The following ZNF790 variants were observed in gnomAD, a reference collection of about 807,000 sequenced individuals.
ZNF790 encodes zinc finger protein 790.
In ZNF790, 8 loss-of-function variants were observed where a neutral mutation model predicts 12.1. The ratio of observed to expected loss-of-function variants is 0.66; its 90% CI spans 0.39 to 1.19. The LOEUF is 1.19. ZNF790 is among the 50% of genes most tolerant of loss of function. ZNF790 has a pLI of 0.01. For missense variants in ZNF790, 707 were observed against 752.2 expected (o/e 0.94, Z 0.70); for synonymous variants, 252 against 244.3 (o/e 1.03, Z -0.29).
rs770460576 is a variant in ZNF790 at position 36,819,911 on chromosome 19, A to T, written c.433T>A (p.Cys145Ser). 12 of 1,614,048 alleles carry T rather than the reference A, an allele frequency of 7.4e-6. No homozygotes were observed. The East Asian group carries it at 2.2e-4, about 30-fold the overall frequency. Residue 145 changes from cysteine to serine, a missense_variant, in exon 5 of 5, where the codon TGT becomes AGT. By Grantham distance (112) the Cys-to-Ser change is moderately radical. Coordinates refer to ENST00000356725, the MANE Select transcript of ZNF790 (RefSeq NM_206894.4). ...EECFKQVIRT[C>S]EKRPTFNQHT... is the part of the protein sequence containing the mutation. ...TGGTTAAAAGTGGGCCTTTTTTCAC[A>T]GGTGCGTATCACCTGCTTGAAGCAT...
intron 1 of ZNF790, among the ~76,000 whole-genome samples, chr19:36,848,471 C>T (rs945996080): frequency 2.7e-5 from 4 of 150,808 alleles, no homozygotes; most frequent in African/African-American, 9.7e-5. Context: ...GGTAAACATA[C>T]AAAAATGTGA....
rs756757587 is a variant in ZNF790 at position 36,819,987 on chromosome 19, A to G, written c.357T>C (p.Gly119=). 6.2e-7 allele frequency: 1 copy of G among 1,613,988 alleles called. No homozygotes were observed. The highest frequency in any genetic ancestry group is 2.2e-5 in the East Asian group (1 of 44,866). ...NHSLDCLCFR[G]DWEGNTQFQT... ...GAAACTGAGTGTTGCCTTCCCAGTC[A>G]CCTCTAAAACATAAACAGTCAAGGC... is the stretch of plus-strand genomic sequence containing the variant. Residue 119 remains glycine (G), a synonymous_variant, in exon 5 of 5, where the codon GGT becomes GGC. Coordinates refer to ENST00000356725, the MANE Select transcript of ZNF790 (RefSeq NM_206894.4).
In ZNF790 at chr19:36,818,180, C is replaced by A; in HGVS notation, c.*253G>T. 3.7e-6 allele frequency: 1 copy of A among 271,958 alleles called. No homozygotes were observed. The highest frequency in any genetic ancestry group is 6.9e-6 in the Non-Finnish European group (1 of 144,482). The allele number at this position is 271,958 out of a possible 1,614,324, so 16.8% of individuals were successfully genotyped here. ...TGATGAGAATGTTTTGAGAATGATT[C>A]AAAAAGAATTCATGCTATCTCATAA... On this transcript the variant is annotated 3_prime_UTR_variant, in exon 5 of 5. Coordinates refer to ENST00000356725, the MANE Select transcript of ZNF790 (RefSeq NM_206894.4).
chr19:36,836,765 C>A (rs1032235730), intron 1 of ZNF790, among the ~76,000 whole-genome samples: 2 of 152,004 alleles, frequency 1.3e-5, no homozygotes, highest in Non-Finnish European at 2.9e-5. Flanking sequence ...TCACAAAAAT[C>A]AAAAAACAAA....
chr19:36,829,965 A>G (rs35967992), intron 1 of ZNF790, among the ~76,000 whole-genome samples: 39,602 of 152,102 alleles, frequency 0.26, 5,300 homozygotes, highest in South Asian at 0.39. Flanking sequence ...TTTATTTTCT[A>G]TATAGAAAAT....
At chr19:36,846,500 G>A (rs1232915135) in intron 1 of ZNF790, among the ~76,000 whole-genome samples, 2 of 152,112 alleles carry the variant, frequency 1.3e-5, no homozygotes, top group Non-Finnish European at 2.9e-5. Flanking sequence ...GGAAGCGGAG[G>A]TTGCAGTGAG....
At chr19:36,826,096 G>A (rs2071790966) in intron 1 of ZNF790, among the ~76,000 whole-genome samples, 1 of 152,086 alleles carries the variant, frequency 6.6e-6, no homozygotes, top group African/African-American at 2.4e-5. Context: ...CCTACCCTCT[G>A]GATTTCAGAA....
upstream of ZNF790, among the ~76,000 whole-genome samples, chr19:36,842,490 T>C (rs1009156601): frequency 1.3e-5 from 2 of 152,088 alleles, no homozygotes; most frequent in African/African-American, 4.8e-5. Flanking sequence ...AAAGGAAACA[T>C]AGTTCATGGA....
At chr19:36,841,294 G>A (rs1378968350), upstream of ZNF790, among the ~76,000 whole-genome samples, 9 of 152,126 alleles carry the variant, frequency 5.9e-5, no homozygotes, top group Non-Finnish European at 1.3e-4. Context: ...TCAAGACAGT[G>A]TGTTTTTGGT....
chr19:36,846,391 C>A (rs531138157), intron 1 of ZNF790, among the ~76,000 whole-genome samples: 6 of 152,088 alleles, frequency 3.9e-5, no homozygotes, highest in African/African-American at 1.4e-4. Flanking sequence ...ACAGTGAAAC[C>A]CTGTCTCTAC....
At chr19:36,836,620 G>A (rs1299065540) in intron 1 of ZNF790, among the ~76,000 whole-genome samples, 9 of 152,164 alleles carry the variant, frequency 5.9e-5, no homozygotes, top group Admixed American at 5.9e-4. Flanking sequence ...AGCTGGGCGT[G>A]GTGGCACGCA....
chr19:36,822,702 G>C (rs1186675250), intron 4 of ZNF790, among the ~76,000 whole-genome samples: 1 of 152,076 alleles, frequency 6.6e-6, no homozygotes. Flanking sequence ...CACCACACTG[G>C]CTAGTTTTTG....
At chr19:36,820,200 G>GTAAA in intron 4 of ZNF790, 86 bp from the exon 5 acceptor site, 1 of 1,406,628 alleles carries the variant, frequency 7.1e-7, no homozygotes. Context: ...AAATCTTGAA[G>GTAAA]TAAAGCATAT....
In ZNF790 at chr19:36,819,166, G is replaced by T; in HGVS notation, c.1178C>A (p.Pro393His). Residue 393 changes from proline (P) to histidine (H), a missense_variant, in exon 5 of 5, where the codon CCT becomes CAT. Pro to His is a moderately conservative substitution (Grantham distance 77, BLOSUM62 -2). Coordinates refer to ENST00000356725, the MANE Select transcript of ZNF790 (RefSeq NM_206894.4). ...QHQNVHVGRK[P>H]YKCEKCGKAY... ...TTTCCCACATTTCTCACATTTATAA[G>T]GTTTCCTACCAACATGAACATTCTG... is the stretch of plus-strand genomic sequence containing the variant. The T allele has an allele frequency of 6.2e-7, 1 of 1,613,856 alleles. No individual in the cohort carries two copies. Among genetic ancestry groups the T allele is most frequent in the South Asian group, 1.1e-5 (1 of 91,066 alleles).
Position 36,823,320 on chromosome 19 carries a change from T to C in ZNF790, c.194A>G (p.Lys65Arg). ...SLLEKGKEPW[K>R]ILRDETRGPC... ...TCCTCTTGTCTCATCCCTCAAAATC[T>C]TCCAGGGCTCTTTCCCTTTCTCCAA... Residue 65 changes from lysine (K) to arginine (R), a missense_variant, in exon 4 of 5, where the codon AAG (lysine) becomes AGG (arginine). By Grantham distance (26) the Lys-to-Arg change is conservative. Coordinates refer to ENST00000356725, the MANE Select transcript of ZNF790 (RefSeq NM_206894.4). The C allele has an allele frequency of 1.2e-6, 2 of 1,614,068 alleles. No individual in the cohort carries two copies. Among genetic ancestry groups the C allele is most frequent in the Middle Eastern group, 3.3e-4 (2 of 6,062 alleles).
intron 1 of ZNF790, among the ~76,000 whole-genome samples, chr19:36,827,273 A>G (rs527854640): frequency 6.6e-6 from 1 of 151,246 alleles, no homozygotes; most frequent in South Asian, 2.1e-4. Context: ...TGGAGGATTC[A>G]CCACCAGACC....
chr19:36,845,062 A>AC (rs2072166902), intron 1 of ZNF790, among the ~76,000 whole-genome samples: 1 of 149,792 alleles, frequency 6.7e-6, no homozygotes, highest in South Asian at 2.1e-4. Flanking sequence ...AAAAAAAAAA[A>AC]AAAAAAAAAA....
chr19:36,823,560 C>T, intron 3 of ZNF790, 107 bp downstream of exon 3: 1 of 1,457,366 alleles, frequency 6.9e-7, no homozygotes, highest in South Asian at 1.2e-5. Flanking sequence ...AAGCGCAAAC[C>T]ATTTTCTAAA....
At chr19:36,847,743 C>G (rs1222538746) in intron 1 of ZNF790, among the ~76,000 whole-genome samples, 2 of 134,788 alleles carry the variant, frequency 1.5e-5, no homozygotes, top group Admixed American at 7.7e-5. Context: ...AAGAGAGACT[C>G]TGTCTCAAAA....
Sources: allele counts gnomAD v4.1 joint callset (sites outside exome capture counted in the v4.1 genomes callset), GRCh38; gene constraint gnomAD v4.1.1; transcripts MANE v1.5; gene names NCBI Gene and HGNC (gene_info 2026-07-23, HGNC 2026-07-21).